Variants in JAKMIP2 observed in about 807,000 individuals in gnomAD.
JAKMIP2 encodes janus kinase and microtubule interacting protein 2.
A neutral mutation model predicts 115.0 loss-of-function variants in JAKMIP2; 25 were observed. That is an observed-to-expected ratio of 0.22 (90% CI 0.16 to 0.30). JAKMIP2 has a LOEUF of 0.30. Ranked by LOEUF, JAKMIP2 falls within the 10% of genes least tolerant of loss-of-function variation. JAKMIP2 has a pLI of 1.00. For synonymous variants in JAKMIP2, 334 were observed against 343.6 expected (o/e 0.97, Z 0.31); for missense variants, 642 against 957.6 (o/e 0.67, Z 4.35).
intron 1 of JAKMIP2, among the ~76,000 whole-genome samples, chr5:147,752,419 A>G (rs1754592047): frequency 6.6e-6 from 1 of 152,186 alleles, no homozygotes; most frequent in Non-Finnish European, 1.5e-5. Flanking sequence ...CTATAATACA[A>G]TGACCCACAG....
intron 1 of JAKMIP2, among the ~76,000 whole-genome samples, chr5:147,780,850 T>A (rs960269574): frequency 7.9e-5 from 12 of 152,200 alleles, no homozygotes; most frequent in African/African-American, 2.9e-4. Context: ...AAAAAATGTC[T>A]GTACTGACAA....
chr5:147,736,047 T>C (rs1753909333), intron 1 of JAKMIP2, among the ~76,000 whole-genome samples: 1 of 152,192 alleles, frequency 6.6e-6, no homozygotes, highest in South Asian at 2.1e-4. Context: ...AAATCAACAC[T>C]CTTTCCTACC....
intron 21 of JAKMIP2, among the ~76,000 whole-genome samples, chr5:147,597,397 C>G (rs116572891): frequency 0.017 from 2,563 of 152,132 alleles, 82 homozygotes; most frequent in African/African-American, 0.058. Flanking sequence ...ATTGGGCTGT[C>G]AAGTTCAAAA....
At chr5:147,657,655 C>T (rs1026453303) in intron 3 of JAKMIP2, among the ~76,000 whole-genome samples, 7 of 151,956 alleles carry the variant, frequency 4.6e-5, no homozygotes, top group South Asian at 2.1e-4. Context: ...ATTGTAGGTT[C>T]GGTGTTTTAA....
At chr5:147,620,505 G>A (rs571787799) in intron 18 of JAKMIP2, among the ~76,000 whole-genome samples, 161 bp downstream of exon 18, 75 of 152,204 alleles carry the variant, frequency 4.9e-4, no homozygotes, top group African/African-American at 1.7e-3. Context: ...TAAAGAGCTA[G>A]GAATGTATTT....
At chr5:147,693,753 G>A (rs143627895) in intron 1 of JAKMIP2, among the ~76,000 whole-genome samples, 37 of 151,924 alleles carry the variant, frequency 2.4e-4, no homozygotes, top group African/African-American at 8.9e-4. Flanking sequence ...TTGCACTTTC[G>A]TTTCAGTCCT....
intron 21 of JAKMIP2, among the ~76,000 whole-genome samples, chr5:147,597,255 C>T (rs1581260476): frequency 1.3e-5 from 2 of 152,058 alleles, no homozygotes; most frequent in African/African-American, 4.8e-5. Context: ...CCCAGGCTAC[C>T]TGAGTAAATA....
At chr5:147,708,684 T>C (rs905323189) in intron 1 of JAKMIP2, among the ~76,000 whole-genome samples, 1 of 152,224 alleles carries the variant, frequency 6.6e-6, no homozygotes, top group African/African-American at 2.4e-5. Flanking sequence ...AATTGATGTA[T>C]GTTTTTTTCC....
At chr5:147,758,116 A>T (rs1754811996) in intron 1 of JAKMIP2, among the ~76,000 whole-genome samples, 1 of 152,150 alleles carries the variant, frequency 6.6e-6, no homozygotes, top group South Asian at 2.1e-4. Context: ...CGGTTTAGTA[A>T]AGATTCAGAA....
At chr5:147,777,570 C>T (rs1382663026) in intron 1 of JAKMIP2, among the ~76,000 whole-genome samples, 1 of 152,034 alleles carries the variant, frequency 6.6e-6, no homozygotes, top group Admixed American at 6.6e-5. Context: ...TCTCATCTTC[C>T]TTTTACACAT....
Position 147,644,210 on chromosome 5 carries a change from A to G in JAKMIP2, c.1084-12T>C. The G allele has an allele frequency of 1.9e-6, 3 of 1,559,568 alleles. No homozygotes were observed. Among genetic ancestry groups the G allele is most frequent in the Non-Finnish European group, 2.6e-6 (3 of 1,144,266 alleles). On this transcript the variant is annotated splice_polypyrimidine_tract_variant and intron_variant, in intron 6 of 21. Transcript: ENST00000616793. ...GTTATTTTTTCTCTCTGGATTGGAA[A>G]AGAAGAAAGTACAGGTGGAGACTTT...
At chr5:147,658,024 C>T (rs1379524840) in intron 3 of JAKMIP2, among the ~76,000 whole-genome samples, 2 of 152,084 alleles carry the variant, frequency 1.3e-5, no homozygotes, top group Admixed American at 6.5e-5. Flanking sequence ...TCCATCTCAT[C>T]CTCCATCCAG....
Position 147,703,592 on chromosome 5 carries a change from CT to C in JAKMIP2, c.-148-31639del, listed in dbSNP as rs543400413. 4.6e-3 allele frequency among the ~76,000 whole-genome samples: 639 copies of C among 139,510 alleles called. 1 individual carries two copies. Among genetic ancestry groups the C allele is most frequent in the Admixed American group, 5.1e-3 (71 of 13,952 alleles). 91.5% of individuals were successfully genotyped at this position (139,510 alleles called of 152,430 possible). A position where few individuals can be genotyped will look rare whatever the true frequency, so the allele number is the denominator to read the frequency against. On this transcript the variant is annotated intron_variant, in intron 1 of 21. Transcript: ENST00000616793. ...AGAAGTTAACCTTAGCGTACTGTAACTTTTTTTTTTTTTTTTTAGTGACAAG... is the reference window on the plus strand; with the variant it reads ...AGAAGTTAACCTTAGCGTACTGTAACTTTTTTTTTTTTTTTTAGTGACAAG...
intron 2 of JAKMIP2, 110 bp downstream of exon 2, chr5:147,671,568 C>T (rs1473518469): frequency 2.7e-5 from 25 of 940,128 alleles, no homozygotes. Context: ...CCCTCTCTGG[C>T]AAAGGGCAGG....
At chr5:147,737,725 T>C (rs1385027331) in intron 1 of JAKMIP2, among the ~76,000 whole-genome samples, 1 of 152,216 alleles carries the variant, frequency 6.6e-6, no homozygotes, top group Non-Finnish European at 1.5e-5. Context: ...GGTTTAAGTA[T>C]CAATACCTTG....
At chr5:147,765,985 AG>A (rs1363209823) in intron 1 of JAKMIP2, among the ~76,000 whole-genome samples, 1 of 152,156 alleles carries the variant, frequency 6.6e-6, no homozygotes, top group Admixed American at 6.5e-5. Context: ...CAACCAGTCA[AG>A]GCAATTTTAT....
intron 19 of JAKMIP2, among the ~76,000 whole-genome samples, chr5:147,617,606 C>T (rs1581297221): frequency 1.3e-5 from 2 of 152,148 alleles, no homozygotes; most frequent in East Asian, 3.9e-4. Context: ...GAGTGTCCTG[C>T]TTCCCTGCAT....
chr5:147,676,253 G>A (rs942763326), intron 1 of JAKMIP2, among the ~76,000 whole-genome samples: 4 of 152,148 alleles, frequency 2.6e-5, no homozygotes, highest in Non-Finnish European at 5.9e-5. Context: ...GGAGAATGGC[G>A]TGAACCCGGG....
chr5:147,639,098 G>A (rs1757759193), intron 10 of JAKMIP2, among the ~76,000 whole-genome samples: 1 of 152,142 alleles, frequency 6.6e-6, no homozygotes, highest in Admixed American at 6.5e-5. Flanking sequence ...TGTAATATCA[G>A]CTTTGCCATT....
Sources: gnomAD v4.1 joint callset for allele counts (sites outside exome capture counted in the v4.1 genomes callset) on GRCh38, gnomAD v4.1.1 for gene constraint, MANE v1.5 for transcripts, NCBI Gene and HGNC (gene_info 2026-07-23, HGNC 2026-07-21) for gene names.